EPHA6: variants seen among roughly 807,000 people sequenced by gnomAD.
EPHA6 encodes the protein ephrin type-A receptor 6.
In EPHA6, 50 loss-of-function variants were observed where a neutral mutation model predicts 112.0. The ratio of observed to expected loss-of-function variants is 0.45; its 90% CI spans 0.36 to 0.56. The LOEUF is 0.56. Among genes scored for constraint, EPHA6 ranks in the 20% least tolerant of loss-of-function variants. The probability of loss-of-function intolerance (pLI) is 0.00; values close to 1 mark genes in which losing one functional copy is unlikely to be tolerated. For synonymous variants in EPHA6, 529 were observed against 490.7 expected, an observed-to-expected ratio of 1.08 and a Z score of -1.03; for missense variants, 1,280 against 1,417.4, an observed-to-expected ratio of 0.90 and a Z score of 1.56.
intron 13 of EPHA6, among the ~76,000 whole-genome samples, chr3:97,614,199 A>C (rs542069932): frequency 1.3e-5 from 2 of 152,164 alleles, no homozygotes; most frequent in East Asian, 3.9e-4. Context: ...ACCACAAAAA[A>C]ATTCCTTTGT....
intron 2 of EPHA6, among the ~76,000 whole-genome samples, chr3:96,921,380 TTAAACA>T (rs1171816149): frequency 2.0e-5 from 3 of 152,128 alleles, no homozygotes; most frequent in African/African-American, 7.2e-5. Context: ...TCCAGAAAAC[TTAAACA>T]TAAACATTTA....
intron 16 of EPHA6, among the ~76,000 whole-genome samples, chr3:97,746,179 A>G (rs1433479106): frequency 6.6e-6 from 1 of 151,904 alleles, no homozygotes; most frequent in Non-Finnish European, 1.5e-5. Context: ...ACTAACTTCA[A>G]TATTCCAATA....
At chr3:97,405,489 A>G (rs1457913696) in intron 6 of EPHA6, among the ~76,000 whole-genome samples, 1 of 152,094 alleles carries the variant, frequency 6.6e-6, no homozygotes, top group Non-Finnish European at 1.5e-5. Flanking sequence ...AAAGTAGAAG[A>G]TGTAAGATGT....
intron 1 of EPHA6, among the ~76,000 whole-genome samples, chr3:96,861,714 C>CA (rs1177456101): frequency 6.6e-6 from 1 of 151,740 alleles, no homozygotes; most frequent in Admixed American, 6.6e-5. Context: ...TGGAAACAAG[C>CA]AAAAACCACA....
intron 3 of EPHA6, among the ~76,000 whole-genome samples, chr3:97,072,984 T>C (rs1394894430): frequency 3.3e-5 from 5 of 152,150 alleles, no homozygotes; most frequent in African/African-American, 9.7e-5. Flanking sequence ...ACTCCAGGCC[T>C]CAGATTAACT....
chr3:97,663,794 T>C (rs2094186654), intron 14 of EPHA6, among the ~76,000 whole-genome samples: 3 of 152,338 alleles, frequency 2.0e-5, no homozygotes, highest in African/African-American at 7.2e-5. Flanking sequence ...ACAATAAATA[T>C]ACGTGTGTAT....
At chr3:96,957,599 T>C (rs2041809406) in intron 2 of EPHA6, among the ~76,000 whole-genome samples, 1 of 152,186 alleles carries the variant, frequency 6.6e-6, no homozygotes, top group South Asian at 2.1e-4. Flanking sequence ...ATTGGTGTTG[T>C]GAAAATAATA....
At chr3:97,336,110 A>AAAT (rs2083045463) in intron 5 of EPHA6, among the ~76,000 whole-genome samples, 1 of 152,146 alleles carries the variant, frequency 6.6e-6, no homozygotes, top group Admixed American at 6.6e-5. Context: ...CTCCAGTTGC[A>AAAT]TGACTCCTAA....
intron 2 of EPHA6, among the ~76,000 whole-genome samples, chr3:96,944,364 T>C (rs969766661): frequency 2.0e-5 from 3 of 152,176 alleles, no homozygotes; most frequent in African/African-American, 7.2e-5. Context: ...CTCGTTTCTC[T>C]TCCATTGATC....
chr3:97,213,889 G>A (rs962308178), intron 3 of EPHA6, among the ~76,000 whole-genome samples: 1 of 151,960 alleles, frequency 6.6e-6, no homozygotes, highest in Non-Finnish European at 1.5e-5. Flanking sequence ...TTTTCTATTT[G>A]TTTATTCAAC....
Position 97,413,547 on chromosome 3 carries a change from A to G in EPHA6, c.1731+8273A>G, listed in dbSNP as rs114967246. The stretch of plus-strand genomic sequence containing the variant: ...TTACATTGCCTTGGTTAGTAAATCT[A>G]CATTTTACATAAGATAAACTAAGCC... On this transcript the variant is annotated intron_variant, in intron 6 of 17. Transcript: ENST00000389672. 3.2e-3 allele frequency among the ~76,000 whole-genome samples: 488 copies of G among 152,146 alleles called. 3 individuals are homozygous for G. The highest frequency in any genetic ancestry group is 0.011 in the African/African-American group (457 of 41,536).
intron 5 of EPHA6, among the ~76,000 whole-genome samples, chr3:97,397,327 T>C (rs2086748471): frequency 6.6e-6 from 1 of 151,704 alleles, no homozygotes; most frequent in South Asian, 2.1e-4. Context: ...TATGCTATAT[T>C]TTCTGCTTTT....
At chr3:97,004,079 A>C (rs1298429612) in intron 3 of EPHA6, among the ~76,000 whole-genome samples, 1 of 152,098 alleles carries the variant, frequency 6.6e-6, no homozygotes, top group Non-Finnish European at 1.5e-5. Context: ...TGTCTTTGCT[A>C]TTGTAAATAG....
At chr3:97,393,932 T>A (rs2086561117) in intron 5 of EPHA6, among the ~76,000 whole-genome samples, 1 of 151,846 alleles carries the variant, frequency 6.6e-6, no homozygotes, top group South Asian at 2.1e-4. Context: ...GAGTAGTGTA[T>A]CATTGTGTAT....
At chr3:97,552,837 T>G (rs2093048171) in intron 11 of EPHA6, among the ~76,000 whole-genome samples, 1 of 152,184 alleles carries the variant, frequency 6.6e-6, no homozygotes, top group Non-Finnish European at 1.5e-5. Flanking sequence ...AGTAATAACT[T>G]ATTAGTTTTT....
At chr3:97,046,002 T>A (rs903772154) in intron 3 of EPHA6, among the ~76,000 whole-genome samples, 2 of 151,816 alleles carry the variant, frequency 1.3e-5, no homozygotes, top group African/African-American at 4.8e-5. Flanking sequence ...TCTAGGGAGG[T>A]ATTAAAGTCC....
intron 5 of EPHA6, among the ~76,000 whole-genome samples, chr3:97,265,248 A>C (rs571919667): frequency 6.6e-6 from 1 of 152,232 alleles, no homozygotes; most frequent in East Asian, 1.9e-4. Flanking sequence ...CTGAAGGTGG[A>C]GCCTCACTGG....
intron 15 of EPHA6, among the ~76,000 whole-genome samples, chr3:97,721,909 CA>C (rs1391981645): frequency 2.0e-5 from 3 of 152,108 alleles, no homozygotes; most frequent in African/African-American, 7.2e-5. Context: ...TTGTTTTAAC[CA>C]GTTACCTTAG....
intron 1 of EPHA6, among the ~76,000 whole-genome samples, chr3:96,827,724 G>A (rs1053800963): frequency 4.6e-5 from 7 of 152,060 alleles, no homozygotes; most frequent in Non-Finnish European, 7.4e-5. Flanking sequence ...GGAATCAAAT[G>A]TCCCGAAATA....
Sources: gnomAD v4.1 joint callset for allele counts (sites outside exome capture counted in the v4.1 genomes callset) on GRCh38, gnomAD v4.1.1 for gene constraint, MANE v1.5 for transcripts, NCBI Gene and HGNC (gene_info 2026-07-23, HGNC 2026-07-21) for gene names.